Variants in SPMIP3 observed in about 807,000 individuals in gnomAD.
SPMIP3 encodes the protein sperm microtubule inner protein 3, also known as protein SPMIP3.
the SPMIP3 span, among the ~76,000 whole-genome samples, chr1:244,363,230 A>G: frequency 6.6e-6 from 1 of 152,086 alleles, no homozygotes; most frequent in Non-Finnish European, 1.5e-5. Context: ...ACATGGTGTG[A>G]AACCCCATCT....
the SPMIP3 span, among the ~76,000 whole-genome samples, chr1:244,377,956 C>A: frequency 6.6e-6 from 1 of 152,152 alleles, no homozygotes; most frequent in African/African-American, 2.4e-5. Flanking sequence ...CAGGTGTACA[C>A]CCCCACGCCT....
At chr1:244,378,709 T>C in the SPMIP3 span, 1 of 1,488,206 alleles carries the variant, frequency 6.7e-7, no homozygotes, top group Non-Finnish European at 9.2e-7. Context: ...GCATCTCCTG[T>C]AGGCTTGCTG....
the SPMIP3 span, among the ~76,000 whole-genome samples, chr1:244,357,442 G>T: frequency 6.6e-6 from 1 of 152,030 alleles, no homozygotes. Flanking sequence ...GGCGCAGGGG[G>T]CTCACGGCTG....
At chr1:244,376,542 A>T in the SPMIP3 span, 2 of 152,358 alleles carry the variant, frequency 1.3e-5, no homozygotes, top group East Asian at 3.9e-4. Flanking sequence ...ATGATTGAAA[A>T]TTACCCACAA....
the SPMIP3 span, among the ~76,000 whole-genome samples, chr1:244,356,220 G>C: frequency 1.3e-5 from 2 of 152,178 alleles, no homozygotes; most frequent in Non-Finnish European, 2.9e-5. Context: ...TTTAGGAAGA[G>C]AGCACTCAGT....
chr1:244,366,118 C>T, the SPMIP3 span, among the ~76,000 whole-genome samples: 2,112 of 152,232 alleles, frequency 0.014, 30 homozygotes, highest in South Asian at 0.037. Flanking sequence ...GGGGGTCAGC[C>T]TCCTGTAGCC....
At chr1:244,375,284 G>A in the SPMIP3 span, 8 of 1,080,700 alleles carry the variant, frequency 7.4e-6, no homozygotes, top group South Asian at 4.1e-5. Flanking sequence ...GACCAAATAC[G>A]TTTTGTATTA....
At chr1:244,376,818 T>G in the SPMIP3 span, among the ~76,000 whole-genome samples, 1 of 134,960 alleles carries the variant, frequency 7.4e-6, no homozygotes, top group Non-Finnish European at 1.5e-5. Context: ...AGCATCCCCC[T>G]TTTTTTTTTT....
chr1:244,370,055 AAAAT>A, the SPMIP3 span, among the ~76,000 whole-genome samples: 1 of 152,194 alleles, frequency 6.6e-6, no homozygotes, highest in Non-Finnish European at 1.5e-5. Context: ...TCTTTGTTAG[AAAAT>A]AAATGACTTT....
the SPMIP3 span, among the ~76,000 whole-genome samples, chr1:244,373,990 G>A: frequency 1.3e-5 from 2 of 152,044 alleles, no homozygotes; most frequent in Admixed American, 6.6e-5. Context: ...GCAGGCACCT[G>A]TAATTCCAGC....
the SPMIP3 span, among the ~76,000 whole-genome samples, chr1:244,369,857 G>A: frequency 9.2e-5 from 14 of 151,430 alleles, no homozygotes; most frequent in East Asian, 1.7e-3. Flanking sequence ...CTGCCTAGCC[G>A]GGTCACGTTC....
chr1:244,379,678 G>T, the SPMIP3 span, among the ~76,000 whole-genome samples: 14 of 152,258 alleles, frequency 9.2e-5, no homozygotes, highest in South Asian at 2.9e-3. Flanking sequence ...GCTGCAGCAT[G>T]TAAAAAAATA....
the SPMIP3 span, among the ~76,000 whole-genome samples, chr1:244,353,479 C>T: frequency 6.6e-6 from 1 of 152,172 alleles, no homozygotes; most frequent in Non-Finnish European, 1.5e-5. Context: ...GGAGAGTTGT[C>T]ACTAATTTTT....
the SPMIP3 span, among the ~76,000 whole-genome samples, chr1:244,372,886 A>G: frequency 6.6e-6 from 1 of 152,184 alleles, no homozygotes; most frequent in African/African-American, 2.4e-5. Context: ...GAAAGGCAGG[A>G]TTCTTTCCAA....
the SPMIP3 span, among the ~76,000 whole-genome samples, chr1:244,371,572 G>A: frequency 6.6e-6 from 1 of 152,334 alleles, no homozygotes; most frequent in Non-Finnish European, 1.5e-5. Flanking sequence ...GCTGGTGCTG[G>A]GATTCTTTAT....
At chr1:244,362,183 T>C in the SPMIP3 span, among the ~76,000 whole-genome samples, 1 of 152,312 alleles carries the variant, frequency 6.6e-6, no homozygotes, top group African/African-American at 2.4e-5. Flanking sequence ...CGGCAGGCAA[T>C]GAGTTAACCG....
At chr1:244,381,153 T>A in the SPMIP3 span, among the ~76,000 whole-genome samples, 1 of 151,410 alleles carries the variant, frequency 6.6e-6, no homozygotes. Flanking sequence ...GGCTGAAGGA[T>A]GTACGAGGCT....
chr1:244,368,788 A>G, the SPMIP3 span, among the ~76,000 whole-genome samples: 1 of 152,188 alleles, frequency 6.6e-6, no homozygotes, highest in Non-Finnish European at 1.5e-5. Context: ...GCTACAGAAA[A>G]CTGAGGTTTT....
At chr1:244,361,421 G>T in the SPMIP3 span, among the ~76,000 whole-genome samples, 2 of 151,816 alleles carry the variant, frequency 1.3e-5, no homozygotes, top group Non-Finnish European at 2.9e-5. Flanking sequence ...TAAAGACGGG[G>T]TTTCATCATG....
Sources: gnomAD v4.1 joint callset for allele counts (sites outside exome capture counted in the v4.1 genomes callset) on GRCh38, gnomAD v4.1.1 for gene constraint, MANE v1.5 for transcripts, NCBI Gene and HGNC (gene_info 2026-07-23, HGNC 2026-07-21) for gene names.